LATS1: variants seen among roughly 807,000 people sequenced by gnomAD.
LATS1 encodes serine/threonine-protein kinase LATS1.
LATS1 carries 25 observed loss-of-function variants against 106.6 expected under a neutral mutation model. The ratio of observed to expected loss-of-function variants is 0.23; its 90% CI spans 0.17 to 0.33. LATS1 has a LOEUF of 0.33. Among genes scored for constraint, LATS1 ranks in the 10% least tolerant of loss-of-function variants. The pLI, the probability that LATS1 is intolerant of heterozygous loss-of-function variation, is 1.00. For synonymous variants in LATS1, 465 were observed against 455.6 expected, an observed-to-expected ratio of 1.02 and a Z score of -0.26; for missense variants, 1,040 against 1,382.6, an observed-to-expected ratio of 0.75 and a Z score of 3.93.
chr6:149,712,948 T>A (rs536928091), intron 1 of LATS1, among the ~76,000 whole-genome samples: 1 of 152,078 alleles, frequency 6.6e-6, no homozygotes, highest in African/African-American at 2.4e-5. Flanking sequence ...TGAGCTGTGA[T>A]TGTGCCACTA....
At chr6:149,668,276 TAA>T (rs947805219) in intron 7 of LATS1, among the ~76,000 whole-genome samples, 5 of 151,982 alleles carry the variant, frequency 3.3e-5, no homozygotes, top group Admixed American at 2.6e-4. Flanking sequence ...GAAGAGAAAT[TAA>T]GAGACTCTGT....
chr6:149,674,594 A>C (rs1454460908), intron 7 of LATS1, among the ~76,000 whole-genome samples: 2 of 147,434 alleles, frequency 1.4e-5, no homozygotes, highest in Admixed American at 1.4e-4. Context: ...GGCTGGTCTC[A>C]AACTCCTGGG....
intron 7 of LATS1, among the ~76,000 whole-genome samples, chr6:149,673,346 G>A (rs978408759): frequency 2.0e-5 from 3 of 151,496 alleles, no homozygotes; most frequent in African/African-American, 2.4e-5. Flanking sequence ...CAATCCACCC[G>A]CCTTGGCTTA....
At chr6:149,666,331 T>C (rs1781147087) in intron 7 of LATS1, among the ~76,000 whole-genome samples, 1 of 151,690 alleles carries the variant, frequency 6.6e-6, no homozygotes, top group Non-Finnish European at 1.5e-5. Context: ...AAAGTAGCCA[T>C]TATAGGCCGG....
chr6:149,695,243 A>G lies in LATS1; in HGVS notation c.349-22T>C, dbSNP rs1407546315. ...TATCCTGATATGAATTGAAGTTTAAAAAAAAAGAAACAAAATTTAAATCTT... is the reference window on the plus strand; with the variant it reads ...TATCCTGATATGAATTGAAGTTTAAGAAAAAAGAAACAAAATTTAAATCTT... On this transcript the variant is annotated intron_variant, in intron 2 of 7. Transcript: ENST00000543571. The G allele has an allele frequency of 2.0e-6, 3 of 1,508,570 alleles. No individual in the cohort carries two copies. The African/African-American group carries it at 4.2e-5, about 21-fold the overall frequency. The allele number at this position is 1,508,570 out of a possible 1,614,324, so 93.4% of individuals were successfully genotyped here.
chr6:149,692,831 C>G (rs777764145), intron 3 of LATS1, among the ~76,000 whole-genome samples: 1 of 152,032 alleles, frequency 6.6e-6, no homozygotes, highest in African/African-American at 2.4e-5. Flanking sequence ...CGCGCCACCA[C>G]ACCCAGCTAA....
chr6:149,678,470 CAGTCG>C (rs1781855777), intron 5 of LATS1, among the ~76,000 whole-genome samples: 1 of 152,180 alleles, frequency 6.6e-6, no homozygotes, highest in Non-Finnish European at 1.5e-5. Flanking sequence ...GGTAATAATT[CAGTCG>C]AATCTGGGAA....
chr6:149,676,488 C>A, intron 6 of LATS1, 67 bp downstream of exon 6: 1 of 1,458,570 alleles, frequency 6.9e-7, no homozygotes, highest in Non-Finnish European at 9.5e-7. Context: ...AAAAATAAGG[C>A]ATATTCTAGT....
In LATS1 at chr6:149,688,850, T is replaced by C. The variant is rs542268451; in HGVS notation, c.497-4258A>G. On this transcript the variant is annotated intron_variant, in intron 3 of 7. Transcript: ENST00000543571. Reference sequence around the variant, plus strand: ...CAGGAGGCTAGAAAGGGATAAGGGCTCCTCTGAGGGATAATATATGAGTTC... The same window carrying C: ...CAGGAGGCTAGAAAGGGATAAGGGCCCCTCTGAGGGATAATATATGAGTTC... 3.9e-5 allele frequency among the ~76,000 whole-genome samples: 6 copies of C among 152,158 alleles called. No homozygotes were observed. The South Asian group carries it at 1.2e-3, about 32-fold the overall frequency.
chr6:149,682,307 CACT>C (rs1782082505), intron 4 of LATS1, among the ~76,000 whole-genome samples: 1 of 151,980 alleles, frequency 6.6e-6, no homozygotes, highest in African/African-American at 2.4e-5. Flanking sequence ...AACTTCTTTA[CACT>C]TTTTAATAAG....
In LATS1 at chr6:149,660,109, A is replaced by T. The variant is rs1382834887; in HGVS notation, c.*1620T>A. On this transcript the variant is annotated 3_prime_UTR_variant, in exon 8 of 8. Coordinates refer to ENST00000543571, the MANE Select transcript of LATS1 (RefSeq NM_004690.4). ...TAACCTACAGCCTGTGATAGGTTTCAATATGTCCAAAATCCCTTGAAACTG... is the reference window on the plus strand; with the variant it reads ...TAACCTACAGCCTGTGATAGGTTTCTATATGTCCAAAATCCCTTGAAACTG... 2.2e-5 allele frequency: 5 copies of T among 232,378 alleles called. No homozygotes were observed. Among genetic ancestry groups the T allele is most frequent in the Non-Finnish European group, 4.2e-5 (5 of 117,662 alleles). The allele number at this position is 232,378 out of a possible 1,614,324, so 14.4% of individuals were successfully genotyped here. A position where few individuals can be genotyped will look rare whatever the true frequency, so the allele number is the denominator to read the frequency against.
intron 3 of LATS1, among the ~76,000 whole-genome samples, chr6:149,687,350 C>T (rs765733484): frequency 5.3e-5 from 8 of 152,156 alleles, no homozygotes; most frequent in South Asian, 4.1e-4. Flanking sequence ...CTCAGCATCC[C>T]AAAGTGTTGG....
In LATS1 at chr6:149,662,100, G is replaced by A. The variant is rs374498548; in HGVS notation, c.3022C>T (p.Pro1008Ser). Reference protein sequence around the residue: ...KNGADEIKAHPFFKTIDFSSD... With the variant: ...KNGADEIKAHSFFKTIDFSSD... The stretch of plus-strand genomic sequence containing the variant: ...GAGAAGTCAATTGTTTTAAAAAATG[G>A]ATGAGCTTTTATTTCATCAGCACCA... The change falls in exon 8 of 8, where the codon CCA (proline) becomes TCA (serine). Residue 1008 changes from proline (P) to serine (S), a missense_variant. This residue lies in a region of LATS1 where 113 missense variants were observed against 146.3 expected (regional missense o/e 0.77). Transcript: ENST00000543571. The A allele has an allele frequency of 1.2e-6, 2 of 1,614,026 alleles. No homozygotes were observed. Among genetic ancestry groups the A allele is most frequent in the African/African-American group, 2.7e-5 (2 of 74,924 alleles).
chr6:149,696,053 G>A (rs1440360253), intron 2 of LATS1, among the ~76,000 whole-genome samples: 3 of 151,482 alleles, frequency 2.0e-5, no homozygotes, highest in Non-Finnish European at 2.9e-5. Flanking sequence ...TTACAGGCAC[G>A]CTCTACCAGG....
In LATS1 at chr6:149,702,160, C is replaced by G; in HGVS notation, c.-34G>C. 1 of 1,399,060 alleles carries G rather than the reference C, an allele frequency of 7.1e-7. No individual in the cohort carries two copies. Among genetic ancestry groups the G allele is most frequent in the Non-Finnish European group, 9.8e-7 (1 of 1,016,278 alleles). 86.7% of individuals were successfully genotyped at this position (1,399,060 alleles called of 1,614,324 possible). A position where few individuals can be genotyped will look rare whatever the true frequency, so the allele number is the denominator to read the frequency against. On this transcript the variant is annotated 5_prime_UTR_variant, in exon 2 of 8. Coordinates refer to ENST00000543571, the MANE Select transcript of LATS1 (RefSeq NM_004690.4). ...CTATATATGTAGCCCACACGAAGGA[C>G]TTCTTTATTTGATAGATCCAGAGCT...
chr6:149,678,217 G>A (rs1472771082), intron 5 of LATS1, among the ~76,000 whole-genome samples: 1 of 149,538 alleles, frequency 6.7e-6, no homozygotes, highest in Non-Finnish European at 1.5e-5. Context: ...GGTTGCCGGC[G>A]GCTGTAGTCC....
chr6:149,684,549 A>G lies in LATS1; in HGVS notation c.540T>C (p.Gly180=), dbSNP rs1782253108. ...QSVNRKQSWK[G]SKESLVPQRH... is the part of the protein sequence containing the mutation. ...TCTGAGGAACTAAGGATTCTTTAGA[A>G]CCTTTCCAGCTCTGTTTGCGGTTAA... The change falls in exon 4 of 8, where the codon GGT becomes GGC. Residue 180 remains glycine, a synonymous_variant. Coordinates refer to ENST00000543571, the MANE Select transcript of LATS1 (RefSeq NM_004690.4). 2 of 1,612,130 alleles carry G rather than the reference A, an allele frequency of 1.2e-6. No individual in the cohort carries two copies. Among genetic ancestry groups the G allele is most frequent in the Non-Finnish European group, 1.7e-6 (2 of 1,178,574 alleles).
intron 1 of LATS1, among the ~76,000 whole-genome samples, chr6:149,712,325 G>A (rs371961694): frequency 6.6e-6 from 1 of 152,038 alleles, no homozygotes; most frequent in East Asian, 1.9e-4. Flanking sequence ...AGCCTCCCAA[G>A]CAGCTGGGAT....
chr6:149,695,511 G>A (rs917874281), intron 2 of LATS1, among the ~76,000 whole-genome samples: 2 of 151,936 alleles, frequency 1.3e-5, no homozygotes, highest in Non-Finnish European at 2.9e-5. Flanking sequence ...CCCAGTCTCT[G>A]CAAAAAAACA....
Sources: allele counts gnomAD v4.1 joint callset (sites outside exome capture counted in the v4.1 genomes callset), GRCh38; gene constraint gnomAD v4.1.1; regional missense constraint gnomAD v4.1.1; transcripts MANE v1.5; gene names NCBI Gene and HGNC (gene_info 2026-07-23, HGNC 2026-07-21).